PCDH9: variants seen among roughly 807,000 people sequenced by gnomAD.
PCDH9 encodes protocadherin-9.
PCDH9 carries 24 observed loss-of-function variants against 70.6 expected under a neutral mutation model. The observed-to-expected ratio is 0.34, with a 90% CI of 0.25 to 0.48. The LOEUF (loss-of-function observed/expected upper bound fraction) is 0.48. Ranked by LOEUF, PCDH9 falls within the 20% of genes least tolerant of loss-of-function variation. The pLI, the probability that PCDH9 is intolerant of heterozygous loss-of-function variation, is 0.99. For synonymous variants in PCDH9, 562 were observed against 558.5 expected (o/e 1.01, Z -0.09); for missense variants, 1,281 against 1,503.6 (o/e 0.85, Z 2.45).
intron 3 of PCDH9, among the ~76,000 whole-genome samples, chr13:66,898,484 A>G (rs1414091995): frequency 6.6e-6 from 1 of 152,056 alleles, no homozygotes; most frequent in African/African-American, 2.4e-5. Context: ...GCTGATATCA[A>G]CAAGAACACC....
At chr13:66,991,956 G>T (rs893267744) in intron 2 of PCDH9, among the ~76,000 whole-genome samples, 2 of 152,064 alleles carry the variant, frequency 1.3e-5, no homozygotes, top group African/African-American at 4.8e-5. Context: ...AAGTATATGG[G>T]TTTTTTTTAA....
chr13:66,617,887 G>T (rs769562398), intron 4 of PCDH9, among the ~76,000 whole-genome samples: 2 of 152,178 alleles, frequency 1.3e-5, no homozygotes, highest in Non-Finnish European at 2.9e-5. Context: ...TCCCCTGTCA[G>T]CAGGAAGCAG....
At chr13:66,327,671 C>T (rs1765987871) in intron 4 of PCDH9, among the ~76,000 whole-genome samples, 1 of 152,052 alleles carries the variant, frequency 6.6e-6, no homozygotes, top group Non-Finnish European at 1.5e-5. Flanking sequence ...CATTGGAGGT[C>T]TTATGTATTT....
intron 2 of PCDH9, chr13:67,217,303 G>C (rs1180239296): frequency 1.3e-5 from 2 of 150,858 alleles, no homozygotes; most frequent in Non-Finnish European, 2.9e-5. Context: ...CTGAATTGCA[G>C]TTGCTATTGT....
At chr13:67,082,037 G>T (rs1247882236) in intron 2 of PCDH9, among the ~76,000 whole-genome samples, 2 of 152,084 alleles carry the variant, frequency 1.3e-5, no homozygotes, top group Admixed American at 1.3e-4. Flanking sequence ...CATAAGCACT[G>T]CCGTGCCTTC....
At chr13:67,189,411 G>T (rs563336154) in intron 2 of PCDH9, among the ~76,000 whole-genome samples, 8 of 152,152 alleles carry the variant, frequency 5.3e-5, no homozygotes, top group African/African-American at 1.7e-4. Flanking sequence ...ACAGACGCAT[G>T]TAACTAGCAA....
intron 2 of PCDH9, among the ~76,000 whole-genome samples, chr13:67,152,098 G>T (rs2087677377): frequency 6.6e-6 from 1 of 152,030 alleles, no homozygotes; most frequent in South Asian, 2.1e-4. Context: ...AAGACTTTTT[G>T]TGTCCTATTT....
intron 2 of PCDH9, among the ~76,000 whole-genome samples, chr13:66,963,212 G>T (rs2083376979): frequency 6.6e-6 from 1 of 152,214 alleles, no homozygotes. Context: ...CTCATCACCT[G>T]TTGTGCGGCC....
chr13:66,522,307 A>C (rs1393436074), intron 4 of PCDH9, among the ~76,000 whole-genome samples: 2 of 151,998 alleles, frequency 1.3e-5, no homozygotes, highest in African/African-American at 2.4e-5. Flanking sequence ...AAAAAATTAC[A>C]TTGTCGTATG....
intron 2 of PCDH9, among the ~76,000 whole-genome samples, chr13:67,061,970 T>C (rs1357203726): frequency 6.6e-6 from 1 of 152,124 alleles, no homozygotes; most frequent in Non-Finnish European, 1.5e-5. Flanking sequence ...ACAGGGCTAG[T>C]AGGCGGTAAC....
intron 4 of PCDH9, among the ~76,000 whole-genome samples, chr13:66,535,509 G>A (rs570923255): frequency 2.0e-4 from 31 of 152,170 alleles, no homozygotes; most frequent in Admixed American, 5.2e-4. Flanking sequence ...TACCAGGTGT[G>A]AGAAAAGCAA....
chr13:66,475,205 G>C (rs1421503138), intron 4 of PCDH9, among the ~76,000 whole-genome samples: 1 of 152,046 alleles, frequency 6.6e-6, no homozygotes. Flanking sequence ...AGACTATCTA[G>C]ATACAAGATT....
intron 4 of PCDH9, among the ~76,000 whole-genome samples, chr13:66,466,496 G>A (rs900889528): frequency 7.9e-5 from 12 of 152,076 alleles, no homozygotes; most frequent in Non-Finnish European, 1.3e-4. Flanking sequence ...TCTCCATGGC[G>A]TGCAGAGTCT....
chr13:66,468,224 T>G (rs1453969790), intron 4 of PCDH9, among the ~76,000 whole-genome samples: 1 of 152,026 alleles, frequency 6.6e-6, no homozygotes, highest in African/African-American at 2.4e-5. Context: ...CCAAAAACCT[T>G]CAATGTGTTG....
rs576392165 is a variant in PCDH9, at chr13:66,450,879, G to A, written c.3341-145851C>T. 1.6e-4 allele frequency among the ~76,000 whole-genome samples: 24 copies of A among 152,184 alleles called. No individual in the cohort carries two copies. In the East Asian group the frequency reaches 1.9e-3, roughly 12 times the overall value. On this transcript the variant is annotated intron_variant, in intron 4 of 4. Coordinates refer to ENST00000377865, the MANE Select transcript of PCDH9 (RefSeq NM_203487.3). ...AGAAATACAAAAAAATTAGCCAGGC[G>A]TGGTGGCGGCCCCTGTAGTCCCAGC...
At chr13:66,620,960 A>C (rs1190865141) in intron 4 of PCDH9, among the ~76,000 whole-genome samples, 2 of 152,252 alleles carry the variant, frequency 1.3e-5, no homozygotes, top group Non-Finnish European at 2.9e-5. Flanking sequence ...GAATGTTTGC[A>C]GAATGAATAG....
At chr13:67,068,424 C>G (rs2085694073) in intron 2 of PCDH9, among the ~76,000 whole-genome samples, 1 of 151,944 alleles carries the variant, frequency 6.6e-6, no homozygotes, top group African/African-American at 2.4e-5. Context: ...GGTCTCTATC[C>G]TCAAGGAAGA....
chr13:67,112,496 T>C (rs1322478253), intron 2 of PCDH9, among the ~76,000 whole-genome samples: 1 of 152,170 alleles, frequency 6.6e-6, no homozygotes, highest in East Asian at 1.9e-4. Context: ...GAGATTATCA[T>C]TTGCACTGGG....
intron 2 of PCDH9, among the ~76,000 whole-genome samples, chr13:66,915,723 T>C (rs1337254254): frequency 6.6e-6 from 1 of 151,724 alleles, no homozygotes; most frequent in Non-Finnish European, 1.5e-5. Flanking sequence ...ATAAGGTAGC[T>C]GGCTTCCTTG....
Sources: allele counts gnomAD v4.1 joint callset (sites outside exome capture counted in the v4.1 genomes callset), GRCh38; gene constraint gnomAD v4.1.1; transcripts MANE v1.5; gene names NCBI Gene and HGNC (gene_info 2026-07-23, HGNC 2026-07-21).